Variants in NRXN3 observed in about 807,000 individuals in gnomAD.
NRXN3 encodes neurexin III.
NRXN3 carries 32 observed loss-of-function variants against 137.6 expected under a neutral mutation model. The ratio of observed to expected loss-of-function variants is 0.23; its 90% CI spans 0.18 to 0.31. The LOEUF (loss-of-function observed/expected upper bound fraction) is 0.31, where lower values mean the gene tolerates loss of function less well. NRXN3 is among the 10% of genes least tolerant of loss of function. NRXN3 has a pLI of 1.00. For synonymous variants in NRXN3, 798 were observed against 784.5 expected, an observed-to-expected ratio of 1.02 and a Z score of -0.29; for missense variants, 1,574 against 2,062.5, an observed-to-expected ratio of 0.76 and a Z score of 4.59.
chr14:79,672,800 C>T (rs2098616878), intron 17 of NRXN3, among the ~76,000 whole-genome samples: 1 of 152,030 alleles, frequency 6.6e-6, no homozygotes, highest in African/African-American at 2.4e-5. Flanking sequence ...TCCTACCACC[C>T]ATACAAGAGC....
At chr14:79,404,865 G>T in intron 15 of NRXN3, among the ~76,000 whole-genome samples, 1 of 152,152 alleles carries the variant, frequency 6.6e-6, no homozygotes, top group East Asian at 1.9e-4. Context: ...ATCTGCCCTG[G>T]CAGATATGCA....
intron 10 of NRXN3, among the ~76,000 whole-genome samples, chr14:78,842,048 G>T (rs1353642881): frequency 2.0e-5 from 3 of 151,948 alleles, no homozygotes; most frequent in Non-Finnish European, 4.4e-5. Context: ...CCTTTGCCTT[G>T]GGAATCAAAT....
intron 4 of NRXN3, among the ~76,000 whole-genome samples, chr14:78,344,532 C>T (rs73308933): frequency 0.036 from 5,446 of 152,278 alleles, 276 homozygotes; most frequent in African/African-American, 0.12. Flanking sequence ...TCCTCCTGCA[C>T]GTGAGGCACA....
chr14:78,601,358 G>A (rs1181142351), intron 4 of NRXN3, among the ~76,000 whole-genome samples: 1 of 152,078 alleles, frequency 6.6e-6, no homozygotes, highest in Non-Finnish European at 1.5e-5. Flanking sequence ...GTAAAATATA[G>A]GGTTTCTTTA....
chr14:79,325,028 G>T (rs1205832037), intron 15 of NRXN3, among the ~76,000 whole-genome samples: 1 of 152,060 alleles, frequency 6.6e-6, no homozygotes, highest in Non-Finnish European at 1.5e-5. Flanking sequence ...AACACATAAG[G>T]TCTGTATTTG....
chr14:79,054,908 C>T (rs749056811), intron 15 of NRXN3, among the ~76,000 whole-genome samples: 1 of 152,134 alleles, frequency 6.6e-6, no homozygotes, highest in Non-Finnish European at 1.5e-5. Flanking sequence ...AAAATGTAAA[C>T]AGATGTTAGT....
intron 15 of NRXN3, among the ~76,000 whole-genome samples, chr14:79,148,438 C>T (rs534886567): frequency 5.3e-5 from 8 of 152,240 alleles, no homozygotes; most frequent in African/African-American, 1.9e-4. Flanking sequence ...ATTTCAGACT[C>T]GGGAGTAGGG....
At chr14:78,442,124 G>A (rs1304076477) in intron 4 of NRXN3, among the ~76,000 whole-genome samples, 4 of 150,632 alleles carry the variant, frequency 2.7e-5, no homozygotes, top group Non-Finnish European at 5.9e-5. Flanking sequence ...AAAAGGTTAG[G>A]TGATTGTGGT....
chr14:79,667,046 G>C (rs182015144), intron 17 of NRXN3, among the ~76,000 whole-genome samples: 1 of 151,798 alleles, frequency 6.6e-6, no homozygotes, highest in East Asian at 1.9e-4. Flanking sequence ...CTGCTTCCCT[G>C]TGCTATTAAA....
chr14:79,848,452 GT>G (rs1335428116), intron 20 of NRXN3, among the ~76,000 whole-genome samples: 5 of 150,622 alleles, frequency 3.3e-5, no homozygotes, highest in South Asian at 4.3e-4. Context: ...TTTTTGCAAT[GT>G]TTTTTGGTCT....
intron 14 of NRXN3, among the ~76,000 whole-genome samples, chr14:78,978,937 T>C (rs1014941253): frequency 1.3e-5 from 2 of 151,922 alleles, no homozygotes; most frequent in South Asian, 4.2e-4. Context: ...GGCATGATAG[T>C]GTAAGTTCTG....
At chr14:79,275,504 G>A (rs932483006) in intron 15 of NRXN3, among the ~76,000 whole-genome samples, 3 of 152,082 alleles carry the variant, frequency 2.0e-5, no homozygotes, top group Non-Finnish European at 4.4e-5. Context: ...AGAGGCCTGT[G>A]CAGAGATAAA....
In NRXN3 at chr14:78,773,863, G is replaced by A. The variant is rs138849089; in HGVS notation, c.2045-29757G>A. 7.8e-3 allele frequency among the ~76,000 whole-genome samples: 1,194 copies of A among 152,108 alleles called. 17 individuals carry two copies. The highest frequency in any genetic ancestry group is 0.027 in the African/African-American group (1,132 of 41,480). ...TGTCACCAGGTTGGAGTGCAGTGGC[G>A]CGATCTTGGCTCACTGCAACCTCCG... On this transcript the variant is annotated intron_variant, in intron 8 of 20. Coordinates refer to ENST00000335750, the MANE Select transcript of NRXN3 (RefSeq NM_001330195.2).
chr14:79,361,907 T>C (rs1268855707), intron 15 of NRXN3, among the ~76,000 whole-genome samples: 2 of 151,978 alleles, frequency 1.3e-5, no homozygotes, highest in African/African-American at 4.8e-5. Context: ...GACTTTGCAT[T>C]CTTGCTATAA....
intron 4 of NRXN3, among the ~76,000 whole-genome samples, chr14:78,498,604 C>A (rs2153768916): frequency 6.6e-6 from 1 of 152,202 alleles, no homozygotes; most frequent in Admixed American, 6.5e-5. Flanking sequence ...TTGCAAGATA[C>A]AGTGGTGGTG....
At chr14:78,717,251 G>A (rs1439711182) in intron 8 of NRXN3, among the ~76,000 whole-genome samples, 1 of 152,110 alleles carries the variant, frequency 6.6e-6, no homozygotes, top group African/African-American at 2.4e-5. Context: ...GTGAATCAAC[G>A]GGAGTTGGTC....
At chr14:78,668,914 T>G (rs2097910360) in intron 6 of NRXN3, among the ~76,000 whole-genome samples, 1 of 112,556 alleles carries the variant, frequency 8.9e-6, no homozygotes, top group Non-Finnish European at 1.8e-5. Flanking sequence ...TGCAACATAT[T>G]AAACTCTATC....
At chr14:78,983,580 T>C (rs257210) in intron 14 of NRXN3, among the ~76,000 whole-genome samples, 52,149 of 151,818 alleles carry the variant, frequency 0.34, 11,642 homozygotes, top group African/African-American at 0.63. Flanking sequence ...GTGGGAAGGC[T>C]GGGTGTGGTG....
chr14:79,754,694 C>T (rs1435146681), intron 19 of NRXN3, among the ~76,000 whole-genome samples: 1 of 151,774 alleles, frequency 6.6e-6, no homozygotes, highest in Non-Finnish European at 1.5e-5. Flanking sequence ...GAAAGATCCA[C>T]TCTGATGTGT....
Sources: gnomAD v4.1 joint callset for allele counts (sites outside exome capture counted in the v4.1 genomes callset) on GRCh38, gnomAD v4.1.1 for gene constraint, MANE v1.5 for transcripts, NCBI Gene and HGNC (gene_info 2026-07-23, HGNC 2026-07-21) for gene names.